The following TLK1 variants were observed in gnomAD, a reference collection of about 807,000 sequenced individuals.
TLK1 encodes tousled like kinase 1, also known as serine/threonine-protein kinase tousled-like 1.
Under a neutral mutation model 105.3 loss-of-function variants are expected in TLK1, and 24 were observed. The ratio of observed to expected loss-of-function variants is 0.23; its 90% CI spans 0.17 to 0.32. The LOEUF (loss-of-function observed/expected upper bound fraction) is 0.32. Ranked by LOEUF, TLK1 falls within the 10% of genes least tolerant of loss-of-function variation. TLK1 has a pLI of 1.00. For missense variants in TLK1, 558 were observed against 910.5 expected, an observed-to-expected ratio of 0.61 and a Z score of 4.98; for synonymous variants, 321 against 310.4, an observed-to-expected ratio of 1.03 and a Z score of -0.36.
chr2:171,220,528 T>C (rs923562257), intron 1 of TLK1, among the ~76,000 whole-genome samples: 5 of 152,260 alleles, frequency 3.3e-5, no homozygotes, highest in South Asian at 4.2e-4. Context: ...AGCAGCCTCA[T>C]AGAGAGACCC....
upstream of TLK1, among the ~76,000 whole-genome samples, chr2:171,163,887 G>A (rs1204380173): frequency 6.6e-6 from 1 of 151,924 alleles, no homozygotes; most frequent in Non-Finnish European, 1.5e-5. Context: ...CACAATGCCC[G>A]GCTAATTTTT....
intron 1 of TLK1, among the ~76,000 whole-genome samples, chr2:171,183,832 T>G (rs1692971789): frequency 6.6e-6 from 1 of 152,242 alleles, no homozygotes; most frequent in Non-Finnish European, 1.5e-5. Context: ...ATTCTTCATT[T>G]ATGTCATGAA....
At chr2:171,218,702 G>C (rs984926693) in intron 1 of TLK1, among the ~76,000 whole-genome samples, 1 of 152,150 alleles carries the variant, frequency 6.6e-6, no homozygotes, top group Admixed American at 6.5e-5. Context: ...CCTCATGTTA[G>C]TGTCCTCATG....
chr2:171,074,358 T>G (rs1277565843), intron 3 of TLK1, among the ~76,000 whole-genome samples: 1 of 152,132 alleles, frequency 6.6e-6, no homozygotes, highest in Non-Finnish European at 1.5e-5. Context: ...GGAGGTGTAG[T>G]GGCTCATGCC....
At chr2:171,031,327 A>C (rs1336851325) in intron 11 of TLK1, among the ~76,000 whole-genome samples, 1 of 152,248 alleles carries the variant, frequency 6.6e-6, no homozygotes, top group Non-Finnish European at 1.5e-5. Flanking sequence ...GCAACTGGGA[A>C]CAATCTTCTT....
intron 1 of TLK1, among the ~76,000 whole-genome samples, chr2:171,170,116 A>G (rs1184659318): frequency 1.3e-5 from 2 of 152,238 alleles, no homozygotes; most frequent in Non-Finnish European, 2.9e-5. Context: ...CTATTAATAG[A>G]AAAAGCCTCC....
intron 1 of TLK1, among the ~76,000 whole-genome samples, chr2:171,124,043 T>G (rs537039815): frequency 1.2e-4 from 19 of 152,226 alleles, no homozygotes; most frequent in Non-Finnish European, 1.8e-4. Context: ...AATTCAAGGT[T>G]AGGTAGAAAG....
At chr2:171,024,751 G>A (rs1374797512) in intron 12 of TLK1, among the ~76,000 whole-genome samples, 1 of 152,264 alleles carries the variant, frequency 6.6e-6, no homozygotes, top group Admixed American at 6.5e-5. Flanking sequence ...TTTCAAAAAG[G>A]TGTAATTAAT....
At chr2:171,164,919 T>C (rs903931285), upstream of TLK1, among the ~76,000 whole-genome samples, 1 of 150,728 alleles carries the variant, frequency 6.6e-6, no homozygotes, top group Non-Finnish European at 1.5e-5. Flanking sequence ...CTAGGAGTTC[T>C]AGACTAGCCT....
chr2:171,064,067 C>G (rs538594688), intron 3 of TLK1, among the ~76,000 whole-genome samples: 3 of 152,152 alleles, frequency 2.0e-5, no homozygotes, highest in Non-Finnish European at 2.9e-5. Context: ...GCAAAAATGT[C>G]TTTTCATTAA....
chr2:171,139,828 G>A (rs909769527), intron 1 of TLK1, among the ~76,000 whole-genome samples: 2 of 146,438 alleles, frequency 1.4e-5, no homozygotes, highest in African/African-American at 5.0e-5. Flanking sequence ...GTGGGGTGGG[G>A]TGGGGTGGAG....
intron 18 of TLK1, among the ~76,000 whole-genome samples, chr2:171,004,463 T>C (rs1267733937): frequency 6.6e-6 from 1 of 152,184 alleles, no homozygotes; most frequent in African/African-American, 2.4e-5. Flanking sequence ...AAACCAATTT[T>C]TGGACCACAG....
At chr2:171,221,441 T>C (rs1253119384) in intron 1 of TLK1, among the ~76,000 whole-genome samples, 1 of 152,198 alleles carries the variant, frequency 6.6e-6, no homozygotes, top group Non-Finnish European at 1.5e-5. Flanking sequence ...CATGAACACC[T>C]TGGAGGAAAG....
intron 1 of TLK1, among the ~76,000 whole-genome samples, chr2:171,225,504 T>C (rs1452296480): frequency 1.3e-5 from 2 of 152,138 alleles, no homozygotes; most frequent in Non-Finnish European, 2.9e-5. Context: ...AGTTGGAACC[T>C]TTGTACACTG....
chr2:171,112,221 A>AT (rs1272670967), intron 2 of TLK1, among the ~76,000 whole-genome samples: 35 of 152,328 alleles, frequency 2.3e-4, no homozygotes, highest in African/African-American at 8.4e-4. Flanking sequence ...AAGTGCTGGG[A>AT]TTACAGGTGT....
At chr2:171,021,720 C>T (rs1314812894) in intron 12 of TLK1, among the ~76,000 whole-genome samples, 1 of 152,128 alleles carries the variant, frequency 6.6e-6, no homozygotes, top group East Asian at 1.9e-4. Context: ...GAATTAGTTA[C>T]AAACCCTGCT....
chr2:171,159,756 G>A (rs1310878681), intron 1 of TLK1: 3 of 152,444 alleles, frequency 2.0e-5, no homozygotes, highest in African/African-American at 7.2e-5. Context: ...TAATTTCAGC[G>A]TCTCTCCCCA....
At chr2:171,133,704 A>C (rs1691194679) in intron 1 of TLK1, among the ~76,000 whole-genome samples, 1 of 151,974 alleles carries the variant, frequency 6.6e-6, no homozygotes, top group Non-Finnish European at 1.5e-5. Flanking sequence ...TGATGAATAC[A>C]GGTTGAGTAT....
intron 7 of TLK1, 76 bp downstream of exon 7, chr2:171,055,007 A>G (rs1217480375): frequency 2.5e-6 from 2 of 784,958 alleles, no homozygotes; most frequent in African/African-American, 1.8e-5. Flanking sequence ...TAAAACAAAC[A>G]GACATCTTAG....
Sources: gnomAD v4.1 joint callset for allele counts (sites outside exome capture counted in the v4.1 genomes callset) on GRCh38, gnomAD v4.1.1 for gene constraint, MANE v1.5 for transcripts, NCBI Gene and HGNC (gene_info 2026-07-23, HGNC 2026-07-21) for gene names.